Variants in PRH1 observed in about 807,000 individuals in gnomAD.
The protein encoded by PRH1 is proline rich protein HaeIII subfamily 1.
A neutral mutation model predicts 7.9 loss-of-function variants in PRH1; 7 were observed. That is an observed-to-expected ratio of 0.89 (90% CI 0.50 to 1.67). The LOEUF is 1.67. Among genes scored for constraint, PRH1 ranks in the 40% most tolerant of loss-of-function variants. The pLI, the probability that PRH1 is intolerant of heterozygous loss-of-function variation, is 0.00. For synonymous variants in PRH1, 45 were observed against 80.8 expected, an observed-to-expected ratio of 0.56 and a Z score of 2.38; for missense variants, 109 against 223.6, an observed-to-expected ratio of 0.49 and a Z score of 3.27.
At chr12:10,981,497 C>A (rs1285736480) in intron 1 of PRH1, among the ~76,000 whole-genome samples, 1 of 151,408 alleles carries the variant, frequency 6.6e-6, no homozygotes. Context: ...CCTCAGCCTC[C>A]CAAGTGGCTT....
chr12:10,998,831 C>T lies in PRH1; in HGVS notation c.-125-25110G>A, dbSNP rs141893247. Among the ~76,000 whole-genome samples the T allele has an allele frequency of 5.8e-3, 876 of 152,196 alleles. 13 individuals carry two copies. Among genetic ancestry groups the T allele is most frequent in the African/African-American group, 0.02 (835 of 41,534 alleles). ...CAACCTTGCACTAGGGCTCTGAGTTCGATCATGTAATTTGCTTTGATGAAC... is the reference window on the plus strand; with the variant it reads ...CAACCTTGCACTAGGGCTCTGAGTTTGATCATGTAATTTGCTTTGATGAAC... On this transcript the variant is annotated intron_variant, in intron 1 of 3. Transcript: ENST00000539853.
intron 1 of PRH1, among the ~76,000 whole-genome samples, chr12:11,163,731 C>A (rs1033913302): frequency 6.6e-6 from 1 of 152,154 alleles, no homozygotes; most frequent in East Asian, 1.9e-4. Context: ...ATCAGAGAAT[C>A]ATTACAAAGT....
rs568478219 is a variant in PRH1, at chr12:10,992,290, C to G, written c.-125-18569G>C. Among the ~76,000 whole-genome samples the G allele has an allele frequency of 4.6e-5, 7 of 152,298 alleles. No homozygotes were observed. In the South Asian group the frequency reaches 1.2e-3, roughly 27 times the overall value. Reference sequence around the variant, plus strand: ...GTACCCAGAGGAAAGGACATATATCCATACTCTCAGAATTTTAAACATGGG... The same window carrying G: ...GTACCCAGAGGAAAGGACATATATCGATACTCTCAGAATTTTAAACATGGG... On this transcript the variant is annotated intron_variant, in intron 1 of 3. Coordinates refer to the PRH1 transcript ENST00000539853.
At chr12:11,078,368 A>T (rs1381447044) in intron 1 of PRH1, 1 of 215,712 alleles carries the variant, frequency 4.6e-6, no homozygotes, top group Non-Finnish European at 9.7e-6. Flanking sequence ...TCTGCCTTTA[A>T]ATTCTGTGAC....
At chr12:11,011,016 T>C (rs2136041728) in intron 1 of PRH1, among the ~76,000 whole-genome samples, 1 of 152,116 alleles carries the variant, frequency 6.6e-6, no homozygotes, top group Admixed American at 6.6e-5. Flanking sequence ...TAGCATATTG[T>C]AAGGGAAATT....
intron 1 of PRH1, among the ~76,000 whole-genome samples, chr12:11,112,381 G>A (rs2264190): frequency 0.46 from 69,192 of 151,988 alleles, 16,558 homozygotes; most frequent in Non-Finnish European, 0.53. Flanking sequence ...TATCCTTGAT[G>A]AACATCGATG....
chr12:10,960,872 C>T (rs932964990), intron 2 of PRH1, among the ~76,000 whole-genome samples: 2 of 152,018 alleles, frequency 1.3e-5, no homozygotes, highest in African/African-American at 2.4e-5. Context: ...TTAAAGTAAA[C>T]GGCATGTTTC....
At chr12:10,979,160 T>C (rs1939239384) in intron 1 of PRH1, among the ~76,000 whole-genome samples, 1 of 152,170 alleles carries the variant, frequency 6.6e-6, no homozygotes, top group Admixed American at 6.6e-5. Flanking sequence ...ACTCTGCTTA[T>C]CACCCCAGTG....
intron 1 of PRH1, among the ~76,000 whole-genome samples, chr12:11,024,193 GTAA>G (rs1941797974): frequency 6.6e-6 from 1 of 152,214 alleles, no homozygotes. Context: ...AATGAGCAGA[GTAA>G]TAATAATTTT....
intron 1 of PRH1, among the ~76,000 whole-genome samples, chr12:11,140,567 A>G (rs1164412087): frequency 6.6e-6 from 1 of 152,174 alleles, no homozygotes; most frequent in Admixed American, 6.5e-5. Flanking sequence ...GATGAAATCA[A>G]TGCTGTCTTT....
Position 10,901,457 on chromosome 12 carries a change from C to T in PRH1, c.-58-17182G>A, listed in dbSNP as rs149211086. Among the ~76,000 whole-genome samples the T allele has an allele frequency of 2.0e-5, 3 of 152,290 alleles. No homozygotes were observed. The East Asian group carries it at 5.8e-4, about 29-fold the overall frequency. On this transcript the variant is annotated intron_variant, in intron 2 of 3. Coordinates refer to the PRH1 transcript ENST00000539853. The stretch of plus-strand genomic sequence containing the variant: ...AGTAGATTCTCCCTCAGTGTTGGTG[C>T]TTGTGTCTGCCATTGGAAGACCTAT...
At chr12:10,943,080 C>T (rs767547655) in intron 2 of PRH1, among the ~76,000 whole-genome samples, 2 of 152,134 alleles carry the variant, frequency 1.3e-5, no homozygotes, top group African/African-American at 2.4e-5. Flanking sequence ...CAGGAGCAGC[C>T]CACTTTCTTC....
chr12:11,067,860 C>G (rs1421621860), intron 1 of PRH1, among the ~76,000 whole-genome samples: 1 of 152,140 alleles, frequency 6.6e-6, no homozygotes, highest in Non-Finnish European at 1.5e-5. Context: ...GAGACCCTGT[C>G]TCAAAACAAT....
chr12:10,931,508 T>C (rs1162373688), intron 2 of PRH1, among the ~76,000 whole-genome samples: 1 of 152,212 alleles, frequency 6.6e-6, no homozygotes, highest in Non-Finnish European at 1.5e-5. Flanking sequence ...TGTTAAATGG[T>C]ATCTCATTTT....
intron 1 of PRH1, 53 bp downstream of exon 1, chr12:10,884,101 T>C: frequency 6.2e-7 from 1 of 1,609,650 alleles, no homozygotes; most frequent in African/African-American, 1.3e-5. Context: ...CTCTATAGCA[T>C]TTGCCTGTAA....
At chr12:10,943,064 GT>G (rs1223337142) in intron 2 of PRH1, among the ~76,000 whole-genome samples, 1 of 152,166 alleles carries the variant, frequency 6.6e-6, no homozygotes, top group Non-Finnish European at 1.5e-5. Flanking sequence ...TGTCTCCCAG[GT>G]TCTGCAGGAG....
rs768228794 is a variant in PRH1, at chr12:10,939,036, G to A, written c.-59+34619C>T. On this transcript the variant is annotated intron_variant, in intron 2 of 3. Transcript: ENST00000539853. ...CAGCTTCCGAATATTAACCAAACCA[G>A]GCTAATTCGAGAGATTGCCAAAGCA... 3 of 1,613,796 alleles carry A rather than the reference G, an allele frequency of 1.9e-6. No individual in the cohort carries two copies. The Admixed American group carries it at 5.0e-5, about 27-fold the overall frequency.
At chr12:11,093,136 G>A (rs556000392) in intron 1 of PRH1, among the ~76,000 whole-genome samples, 1 of 115,916 alleles carries the variant, frequency 8.6e-6, no homozygotes, top group East Asian at 2.1e-4. Context: ...CAGTTGTTAG[G>A]GAAGTTTTGT....
At chr12:11,156,047 C>T (rs910839324) in intron 1 of PRH1, among the ~76,000 whole-genome samples, 1 of 152,170 alleles carries the variant, frequency 6.6e-6, no homozygotes, top group African/African-American at 2.4e-5. Flanking sequence ...TAGTTACGCA[C>T]ATTTGCCATT....
Sources: allele counts gnomAD v4.1 joint callset (sites outside exome capture counted in the v4.1 genomes callset), GRCh38; gene constraint gnomAD v4.1.1; transcripts MANE v1.5; gene names NCBI Gene and HGNC (gene_info 2026-07-23, HGNC 2026-07-21).